Variants in ACBD3 observed in about 807,000 individuals in gnomAD.
ACBD3 encodes acyl-CoA binding domain containing 3.
Under a neutral mutation model 66.9 loss-of-function variants are expected in ACBD3, and 30 were observed. The observed-to-expected ratio is 0.45, with a 90% CI of 0.34 to 0.61. The LOEUF (loss-of-function observed/expected upper bound fraction) is 0.61, where lower values mean the gene tolerates loss of function less well. ACBD3 is among the 20% of genes least tolerant of loss of function. The probability of loss-of-function intolerance (pLI) is 0.02; values close to 1 mark genes in which losing one functional copy is unlikely to be tolerated. For synonymous variants in ACBD3, 278 were observed against 259.8 expected, an observed-to-expected ratio of 1.07 and a Z score of -0.68; for missense variants, 544 against 664.5, an observed-to-expected ratio of 0.82 and a Z score of 1.99.
chr1:226,165,018 G>A, intron 2 of ACBD3, 89 bp from the exon 3 acceptor site: 2 of 1,334,238 alleles, frequency 1.5e-6, no homozygotes, highest in South Asian at 3.7e-5. Context: ...ATTCTCAATT[G>A]TAAGTAAAAT....
intron 2 of ACBD3, among the ~76,000 whole-genome samples, 165 bp from the exon 3 acceptor site, chr1:226,165,094 A>G (rs1351938115): frequency 6.6e-6 from 1 of 152,268 alleles, no homozygotes; most frequent in Non-Finnish European, 1.5e-5. Context: ...TTGATTTACT[A>G]AATTAGATAC....
chr1:226,170,333 A>ATTTTTTTTTTTTT (rs71574563), intron 1 of ACBD3, among the ~76,000 whole-genome samples: 3 of 109,840 alleles, frequency 2.7e-5, no homozygotes, highest in African/African-American at 3.6e-5. Flanking sequence ...AATTTTTTGA[A>ATTTTTTTTTTTTT]TTTTTTTTTT....
rs137880165 is a variant in ACBD3 at position 226,162,766 on chromosome 1, C to T, written c.570-1077G>A. Among the ~76,000 whole-genome samples, 14 of 152,172 alleles carry T rather than the reference C, an allele frequency of 9.2e-5. 1 individual carries two copies. In the East Asian group the frequency reaches 2.5e-3, roughly 27 times the overall value. ...TGATTAACAACTACCTGAGCCACAGCCAAGTCTCAAAATATTGTAATAACA... is the reference window on the plus strand; with the variant it reads ...TGATTAACAACTACCTGAGCCACAGTCAAGTCTCAAAATATTGTAATAACA... On this transcript the variant is annotated intron_variant, in intron 3 of 7. Coordinates refer to ENST00000366812, the MANE Select transcript of ACBD3 (RefSeq NM_022735.4).
chr1:226,157,502 G>C (rs1659697960), intron 5 of ACBD3, among the ~76,000 whole-genome samples: 1 of 151,980 alleles, frequency 6.6e-6, no homozygotes, highest in African/African-American at 2.4e-5. Flanking sequence ...GCCTCCCAAA[G>C]TGCTGGGATT....
At chr1:226,170,294 A>G (rs1224198121) in intron 1 of ACBD3, among the ~76,000 whole-genome samples, 1 of 146,462 alleles carries the variant, frequency 6.8e-6, no homozygotes, top group Non-Finnish European at 1.5e-5. Flanking sequence ...AGTAGCTGGG[A>G]CTGCAGGCGC....
At chr1:226,180,527 T>C (rs1656147912) in intron 1 of ACBD3, among the ~76,000 whole-genome samples, 1 of 152,196 alleles carries the variant, frequency 6.6e-6, no homozygotes, top group African/African-American at 2.4e-5. Flanking sequence ...CCTTTCTAAA[T>C]ACTGATTCAC....
chr1:226,172,155 C>CAAAAAAAAA (rs779380166), intron 1 of ACBD3, among the ~76,000 whole-genome samples: 9,726 of 43,144 alleles, frequency 0.23, 1,632 homozygotes, highest in South Asian at 0.5. Flanking sequence ...AACTCCATCT[C>CAAAAAAAAA]AAAAAAAAAA....
rs1170130229 is a variant in ACBD3 at position 226,149,529 on chromosome 1, C to CTTTTT, written c.1376-2713_1376-2709dup. ...GGTGTCAGCCACTGCGCCCAGCCAT[C>CTTTTT]TTTTTTTTTTTTTTTTTTTTTTTTT... On this transcript the variant is annotated intron_variant, in intron 7 of 7. Coordinates refer to ENST00000366812, the MANE Select transcript of ACBD3 (RefSeq NM_022735.4). Among the ~76,000 whole-genome samples, 275 of 29,612 alleles carry CTTTTT rather than the reference C, an allele frequency of 9.3e-3. 100 individuals are homozygous for CTTTTT. Among genetic ancestry groups the CTTTTT allele is most frequent in the African/African-American group, 0.015 (97 of 6,338 alleles). The allele number at this position is 29,612 out of a possible 152,430, so 19.4% of individuals were successfully genotyped here.
At chr1:226,168,140 G>T (rs1659908856) in intron 1 of ACBD3, among the ~76,000 whole-genome samples, 1 of 152,048 alleles carries the variant, frequency 6.6e-6, no homozygotes, top group African/African-American at 2.4e-5. Flanking sequence ...TACAATAAGA[G>T]ATTAACAATA....
At chr1:226,146,914 C>T in intron 7 of ACBD3, 93 bp from the exon 8 acceptor site, 1 of 1,257,788 alleles carries the variant, frequency 8.0e-7, no homozygotes, top group South Asian at 1.3e-5. Context: ...TTTCTGGAGA[C>T]AGAGTCTTGC....
At chr1:226,164,957 T>C in intron 2 of ACBD3, 28 bp from the exon 3 acceptor site, 2 of 1,511,806 alleles carry the variant, frequency 1.3e-6, no homozygotes, top group East Asian at 2.4e-5. Context: ...AAAAGTTACC[T>C]CCCCTTCTTA....
At chr1:226,165,512 T>A (rs1659860974) in intron 2 of ACBD3, among the ~76,000 whole-genome samples, 1 of 152,152 alleles carries the variant, frequency 6.6e-6, no homozygotes, top group Non-Finnish European at 1.5e-5. Context: ...TAAACAAAAA[T>A]ACTCAATGTA....
At chr1:226,161,885 A>AATTATT (rs1446975721) in intron 3 of ACBD3, among the ~76,000 whole-genome samples, 196 bp from the exon 4 acceptor site, 12 of 152,246 alleles carry the variant, frequency 7.9e-5, no homozygotes, top group African/African-American at 2.9e-4. Flanking sequence ...CATCAAGAAT[A>AATTATT]ATTATTGTTG....
Position 226,144,910 on chromosome 1 carries a change from TA to T in ACBD3, c.*1699del, listed in dbSNP as rs1236169778. 1 of 152,644 alleles carries T rather than the reference TA, an allele frequency of 6.6e-6. No individual in the cohort carries two copies. Among genetic ancestry groups the T allele is most frequent in the African/African-American group, 2.4e-5 (1 of 41,466 alleles). The allele number at this position is 152,644 out of a possible 1,614,324, so 9.5% of individuals were successfully genotyped here. A position where few individuals can be genotyped will look rare whatever the true frequency, so the allele number is the denominator to read the frequency against. Reference sequence around the variant, plus strand: ...CTTAACATGTGCAAGGACAAATTTGTAATCAAAGGCTGGAAGAAATATATAT... The same window carrying T: ...CTTAACATGTGCAAGGACAAATTTGTATCAAAGGCTGGAAGAAATATATAT... On this transcript the variant is annotated 3_prime_UTR_variant, in exon 8 of 8. Transcript: ENST00000366812.
chr1:226,152,205 C>G (rs371893274), intron 7 of ACBD3, 130 bp downstream of exon 7: 1 of 1,278,656 alleles, frequency 7.8e-7, no homozygotes, highest in Non-Finnish European at 1.1e-6. Context: ...CAAGGTCCCA[C>G]TAATGAAGAA....
intron 7 of ACBD3, 46 bp downstream of exon 7, chr1:226,152,289 C>A: frequency 1.3e-6 from 2 of 1,597,178 alleles, no homozygotes; most frequent in Non-Finnish European, 1.7e-6. Flanking sequence ...ACCATTTCTG[C>A]CAACACACAA....
Position 226,150,922 on chromosome 1 carries a change from T to C in ACBD3, c.1375+1413A>G, listed in dbSNP as rs932324615. Reference sequence around the variant, plus strand: ...ATGTACTGAAATTTCTGGGATACTCTGATGGTTCATGTAGATAATGATACG... The same window carrying C: ...ATGTACTGAAATTTCTGGGATACTCCGATGGTTCATGTAGATAATGATACG... On this transcript the variant is annotated intron_variant, in intron 7 of 7. Transcript: ENST00000366812. 2.6e-5 allele frequency among the ~76,000 whole-genome samples: 4 copies of C among 152,368 alleles called. No individual in the cohort carries two copies. In the South Asian group the frequency reaches 8.3e-4, roughly 32 times the overall value.
intron 1 of ACBD3, among the ~76,000 whole-genome samples, chr1:226,177,396 C>G (rs867698247): frequency 6.6e-6 from 1 of 150,822 alleles, no homozygotes. Context: ...CGGGTTTCAC[C>G]GCATTAGCCA....
chr1:226,183,014 G>A (rs1409212930), intron 1 of ACBD3, among the ~76,000 whole-genome samples: 2 of 152,168 alleles, frequency 1.3e-5, no homozygotes, highest in Admixed American at 6.5e-5. Context: ...AATAGTTGAC[G>A]TAATTGATTC....
Sources: allele counts gnomAD v4.1 joint callset (sites outside exome capture counted in the v4.1 genomes callset), GRCh38; gene constraint gnomAD v4.1.1; transcripts MANE v1.5; gene names NCBI Gene and HGNC (gene_info 2026-07-23, HGNC 2026-07-21).